The following ADAMTS3 variants were observed in gnomAD, a reference collection of about 807,000 sequenced individuals.
ADAMTS3 encodes ADAM metallopeptidase with thrombospondin type 1 motif 3.
ADAMTS3 carries 73 observed loss-of-function variants against 129.0 expected under a neutral mutation model. That is an observed-to-expected ratio of 0.57 (90% CI 0.47 to 0.69). The LOEUF (loss-of-function observed/expected upper bound fraction) is 0.69, where lower values mean the gene tolerates loss of function less well. ADAMTS3 is among the 30% of genes least tolerant of loss of function. The pLI is 0.00. For synonymous variants in ADAMTS3, 477 were observed against 510.8 expected (o/e 0.93, Z 0.89); for missense variants, 1,457 against 1,514.5 (o/e 0.96, Z 0.63).
Position 72,311,059 on chromosome 4 carries a change from C to T in ADAMTS3, c.2044G>A (p.Gly682Arg). The change falls in exon 14 of 22, where the codon GGA becomes AGA. Residue 682 changes from glycine (G) to arginine (R), a missense_variant. Coordinates refer to ENST00000286657, the MANE Select transcript of ADAMTS3 (RefSeq NM_014243.3). ...YKDPYSICVR[G>R]ECVKVGCDKE... is the part of the protein sequence containing the mutation. ...CAATTTGAACTTACCACACACTCTCCTCGCACACATATGCTATATGGATCT... is the reference window on the plus strand; with the variant it reads ...CAATTTGAACTTACCACACACTCTCTTCGCACACATATGCTATATGGATCT... 2 of 1,607,352 alleles carry T rather than the reference C, an allele frequency of 1.2e-6. No individual in the cohort carries two copies. The highest frequency in any genetic ancestry group is 1.7e-6 in the Non-Finnish European group (2 of 1,176,006).
intron 5 of ADAMTS3, among the ~76,000 whole-genome samples, chr4:72,334,687 T>A (rs1719944366): frequency 6.6e-6 from 1 of 152,172 alleles, no homozygotes; most frequent in Non-Finnish European, 1.5e-5. Flanking sequence ...GTATGAGACA[T>A]GCCCCAGAGC....
intron 3 of ADAMTS3, among the ~76,000 whole-genome samples, chr4:72,526,721 AATAT>A (rs1720818008): frequency 8.5e-6 from 1 of 117,910 alleles, no homozygotes; most frequent in Non-Finnish European, 1.7e-5. Flanking sequence ...AGACAGAAAA[AATAT>A]ATACATACAT....
intron 3 of ADAMTS3, among the ~76,000 whole-genome samples, chr4:72,503,719 A>G (rs1720084616): frequency 6.6e-6 from 1 of 152,156 alleles, no homozygotes; most frequent in Non-Finnish European, 1.5e-5. Context: ...CCTCAGTATT[A>G]TTGTGTGACT....
intron 4 of ADAMTS3, among the ~76,000 whole-genome samples, chr4:72,393,346 T>A (rs531080506): frequency 1.8e-4 from 28 of 152,218 alleles, no homozygotes; most frequent in Non-Finnish European, 4.0e-4. Flanking sequence ...CCAGAATAGA[T>A]AAGATAACTT....
chr4:72,288,250 C>A (rs1718562821), intron 21 of ADAMTS3, among the ~76,000 whole-genome samples: 1 of 152,182 alleles, frequency 6.6e-6, no homozygotes, highest in African/African-American at 2.4e-5. Flanking sequence ...GCAGGTCAGG[C>A]AAATGCTGAA....
At chr4:72,527,295 C>G (rs1252433079) in intron 3 of ADAMTS3, among the ~76,000 whole-genome samples, 1 of 152,126 alleles carries the variant, frequency 6.6e-6, no homozygotes, top group African/African-American at 2.4e-5. Flanking sequence ...GACCCTTAGC[C>G]TAGGTCAGAT....
At chr4:72,285,896 G>A (rs1362162253) in intron 21 of ADAMTS3, among the ~76,000 whole-genome samples, 1 of 152,008 alleles carries the variant, frequency 6.6e-6, no homozygotes. Context: ...ATTATAAGAG[G>A]TTCTGGAAAA....
chr4:72,412,919 C>T (rs1435836882), intron 4 of ADAMTS3, among the ~76,000 whole-genome samples: 3 of 151,962 alleles, frequency 2.0e-5, no homozygotes, highest in African/African-American at 2.4e-5. Context: ...TATGTTGATG[C>T]TATTGAAATT....
rs138081462 is a variant in ADAMTS3 at position 72,499,674 on chromosome 4, C to T, written c.504+48804G>A. On this transcript the variant is annotated intron_variant, in intron 3 of 21. Coordinates refer to ENST00000286657, the MANE Select transcript of ADAMTS3 (RefSeq NM_014243.3). ...CGGGAGTACATTTGCAGGTTTGTTACTTTGGTATATTGCATGATGCTGAGG... is the reference window on the plus strand; with the variant it reads ...CGGGAGTACATTTGCAGGTTTGTTATTTTGGTATATTGCATGATGCTGAGG... 1.9e-3 allele frequency among the ~76,000 whole-genome samples: 283 copies of T among 152,112 alleles called. 2 individuals are homozygous for T. The highest frequency in any genetic ancestry group is 3.0e-3 in the Non-Finnish European group (207 of 67,956).
intron 4 of ADAMTS3, among the ~76,000 whole-genome samples, chr4:72,398,374 T>C (rs901870130): frequency 6.6e-6 from 1 of 151,972 alleles, no homozygotes; most frequent in Non-Finnish European, 1.5e-5. Flanking sequence ...CTGGCCAACA[T>C]GGAGAAACCC....
intron 7 of ADAMTS3, 83 bp from the exon 8 acceptor site, chr4:72,320,046 A>G (rs1287327149): frequency 1.8e-6 from 2 of 1,112,052 alleles, no homozygotes; most frequent in East Asian, 2.5e-5. Context: ...CCTAGGGGGA[A>G]AAAAGTAAAA....
intron 4 of ADAMTS3, among the ~76,000 whole-genome samples, chr4:72,413,548 A>G (rs1722231442): frequency 6.6e-6 from 1 of 152,058 alleles, no homozygotes; most frequent in Admixed American, 6.6e-5. Flanking sequence ...TTCTGCAAAG[A>G]TATTAAATAT....
chr4:72,448,808 T>G (rs962938172), intron 3 of ADAMTS3, among the ~76,000 whole-genome samples: 4 of 151,746 alleles, frequency 2.6e-5, no homozygotes, highest in African/African-American at 9.7e-5. Flanking sequence ...AAAAGTATTA[T>G]AGAAGTGCAT....
At chr4:72,285,716 A>G (rs987857130) in intron 21 of ADAMTS3, among the ~76,000 whole-genome samples, 1 of 151,788 alleles carries the variant, frequency 6.6e-6, no homozygotes, top group African/African-American at 2.4e-5. Flanking sequence ...GAGCAAAGGA[A>G]TACATTAACC....
chr4:72,315,038 G>T (rs977954251), intron 11 of ADAMTS3, among the ~76,000 whole-genome samples: 2 of 152,154 alleles, frequency 1.3e-5, no homozygotes. Flanking sequence ...ATTCAATCCT[G>T]ACTACACAAT....
chr4:72,547,720 T>C (rs571371337), intron 3 of ADAMTS3, among the ~76,000 whole-genome samples: 6 of 152,196 alleles, frequency 3.9e-5, no homozygotes, highest in Non-Finnish European at 7.4e-5. Context: ...ACTAGAATAA[T>C]AAAATGAAAA....
Position 72,288,919 on chromosome 4 carries a change from CACAT to C in ADAMTS3, c.2932-55_2932-52del, listed in dbSNP as rs762476880. The C allele has an allele frequency of 9.2e-4, 655 of 709,510 alleles. 8 individuals are homozygous for C. In the African/African-American group the frequency reaches 0.013, roughly 14 times the overall value. The allele number at this position is 709,510 out of a possible 1,614,324, so 44.0% of individuals were successfully genotyped here. On this transcript the variant is annotated intron_variant, in intron 20 of 21. Coordinates refer to ENST00000286657, the MANE Select transcript of ADAMTS3 (RefSeq NM_014243.3). The stretch of plus-strand genomic sequence containing the variant: ...AGACATTTATTGCACCAAGACCATG[CACAT>C]ACACACACACACACACACACACACA...
Position 72,364,998 on chromosome 4 carries a change from T to C in ADAMTS3, c.662-25305A>G, listed in dbSNP as rs143055268. Reference sequence around the variant, plus strand: ...TTCCCCTATTAATTCAATAAAATTATTGAGGACTTGACCATGTTTCATTCC... The same window carrying C: ...TTCCCCTATTAATTCAATAAAATTACTGAGGACTTGACCATGTTTCATTCC... On this transcript the variant is annotated intron_variant, in intron 4 of 21. Coordinates refer to ENST00000286657, the MANE Select transcript of ADAMTS3 (RefSeq NM_014243.3). Among the ~76,000 whole-genome samples, 323 of 152,338 alleles carry C rather than the reference T, an allele frequency of 2.1e-3. No homozygotes were observed. In the East Asian group the frequency reaches 0.026, roughly 12 times the overall value.
At chr4:72,378,055 CT>C (rs1167570244) in intron 4 of ADAMTS3, among the ~76,000 whole-genome samples, 2 of 152,116 alleles carry the variant, frequency 1.3e-5, no homozygotes, top group Non-Finnish European at 2.9e-5. Flanking sequence ...GCAAAAAATA[CT>C]CTTCCTTAGA....
Sources: gnomAD v4.1 joint callset for allele counts (sites outside exome capture counted in the v4.1 genomes callset) on GRCh38, gnomAD v4.1.1 for gene constraint, MANE v1.5 for transcripts, NCBI Gene and HGNC (gene_info 2026-07-23, HGNC 2026-07-21) for gene names.